The following RORA variants were observed in gnomAD, a reference collection of about 807,000 sequenced individuals.
RORA encodes nuclear receptor ROR-alpha.
A neutral mutation model predicts 69.5 loss-of-function variants in RORA; 7 were observed. The observed-to-expected ratio is 0.10, with a 90% CI of 0.06 to 0.19. The LOEUF is 0.19. RORA is among the 10% of genes least tolerant of loss of function. RORA has a pLI of 1.00. For synonymous variants in RORA, 261 were observed against 240.8 expected (o/e 1.08, Z -0.78); for missense variants, 457 against 663.0 (o/e 0.69, Z 3.41).
intron 2 of RORA, among the ~76,000 whole-genome samples, chr15:60,543,358 G>A (rs1278030456): frequency 2.6e-5 from 4 of 152,014 alleles, no homozygotes; most frequent in Non-Finnish European, 5.9e-5. Context: ...CTGTGCCTCA[G>A]TTTCCTCACC....
chr15:61,084,076 A>G (rs1187524005), intron 1 of RORA, among the ~76,000 whole-genome samples: 3 of 152,196 alleles, frequency 2.0e-5, no homozygotes, highest in Non-Finnish European at 4.4e-5. Context: ...AGTGAGAGAC[A>G]TAAGAATATT....
chr15:60,836,832 C>A (rs1372387670), intron 1 of RORA, among the ~76,000 whole-genome samples: 2 of 151,998 alleles, frequency 1.3e-5, no homozygotes, highest in African/African-American at 2.4e-5. Flanking sequence ...ATCAGCTCCC[C>A]CCTCTGCCCT....
intron 1 of RORA, among the ~76,000 whole-genome samples, chr15:60,780,901 G>A (rs1400004788): frequency 6.6e-6 from 1 of 152,170 alleles, no homozygotes; most frequent in Non-Finnish European, 1.5e-5. Context: ...ATTTTTACTT[G>A]CCTCTTACCA....
At chr15:60,976,523 G>A (rs1893877112) in intron 1 of RORA, among the ~76,000 whole-genome samples, 1 of 152,110 alleles carries the variant, frequency 6.6e-6, no homozygotes, top group African/African-American at 2.4e-5. Context: ...GCCAGCATCA[G>A]CGGCGACATT....
chr15:60,646,018 A>G (rs1418037138), intron 2 of RORA, among the ~76,000 whole-genome samples: 3 of 152,174 alleles, frequency 2.0e-5, no homozygotes, highest in Non-Finnish European at 4.4e-5. Flanking sequence ...GTATGCTCTG[A>G]AAGCTAGGAA....
At chr15:60,896,538 A>T (rs1891235102) in intron 1 of RORA, among the ~76,000 whole-genome samples, 2 of 152,206 alleles carry the variant, frequency 1.3e-5, no homozygotes, top group African/African-American at 2.4e-5. Flanking sequence ...ATTCCTTAGC[A>T]TGTGTGACAT....
intron 1 of RORA, among the ~76,000 whole-genome samples, chr15:61,211,534 T>A (rs1214602970): frequency 6.6e-6 from 1 of 152,208 alleles, no homozygotes; most frequent in East Asian, 1.9e-4. Flanking sequence ...TTTAATCTAC[T>A]TACCACACTG....
intron 1 of RORA, among the ~76,000 whole-genome samples, chr15:61,081,612 C>T (rs2078541256): frequency 6.6e-6 from 1 of 151,942 alleles, no homozygotes; most frequent in African/African-American, 2.4e-5. Context: ...TCGAGACCAT[C>T]CTGGCTAACA....
chr15:60,843,519 A>G (rs1220259423), intron 1 of RORA, among the ~76,000 whole-genome samples: 4 of 152,194 alleles, frequency 2.6e-5, no homozygotes, highest in African/African-American at 7.2e-5. Context: ...ACACAAACCA[A>G]CTGTTCTTGT....
rs10581853 is a variant in RORA, at chr15:61,008,203, CTGTGTGTGTGTGTG to C, written c.166+220836_166+220849del. On this transcript the variant is annotated intron_variant, in intron 1 of 10. Coordinates refer to ENST00000335670, the MANE Select transcript of RORA (RefSeq NM_134261.3). ...AAGAATTTCAAAATTCTCTCTCTCT[CTGTGTGTGTGTGTG>C]TGTGTGTGTGTGTGTGTGTGTGTGT... Among the ~76,000 whole-genome samples, 8 of 135,134 alleles carry C rather than the reference CTGTGTGTGTGTGTG, an allele frequency of 5.9e-5. No homozygotes were observed. In the East Asian group the frequency reaches 1.5e-3, roughly 25 times the overall value. 88.7% of individuals were successfully genotyped at this position (135,134 alleles called of 152,430 possible). A position where few individuals can be genotyped will look rare whatever the true frequency, so the allele number is the denominator to read the frequency against.
intron 1 of RORA, among the ~76,000 whole-genome samples, chr15:61,220,759 C>T (rs548560637): frequency 6.6e-6 from 1 of 152,312 alleles, no homozygotes; most frequent in South Asian, 2.1e-4. Flanking sequence ...TCGACAAGTT[C>T]GTCATAACTT....
chr15:60,813,666 A>T (rs1231987444), intron 1 of RORA, among the ~76,000 whole-genome samples: 1 of 152,212 alleles, frequency 6.6e-6, no homozygotes, highest in Non-Finnish European at 1.5e-5. Context: ...CAGTTGAGGG[A>T]GTAAAAACTA....
At chr15:60,558,198 G>C (rs1338967270) in intron 2 of RORA, 1 of 1,529,524 alleles carries the variant, frequency 6.5e-7, no homozygotes, top group Non-Finnish European at 9.0e-7. Context: ...ATGGAGGACA[G>C]GTCAGGAGGC....
chr15:60,553,189 T>A (rs1369163401), intron 2 of RORA, among the ~76,000 whole-genome samples: 3 of 152,228 alleles, frequency 2.0e-5, no homozygotes, highest in Non-Finnish European at 2.9e-5. Context: ...TACTCAATAA[T>A]CAAAGTTAAT....
intron 1 of RORA, among the ~76,000 whole-genome samples, chr15:60,877,609 C>T (rs904317552): frequency 2.6e-5 from 4 of 152,140 alleles, no homozygotes; most frequent in African/African-American, 9.7e-5. Context: ...ACACTGTTAT[C>T]ATATCCAAGC....
chr15:61,112,245 T>C (rs2140787045), intron 1 of RORA, among the ~76,000 whole-genome samples: 1 of 152,330 alleles, frequency 6.6e-6, no homozygotes, highest in East Asian at 1.9e-4. Context: ...TAACTGCCTT[T>C]TTCTTTTACA....
At chr15:61,089,146 CA>C (rs1319055393) in intron 1 of RORA, among the ~76,000 whole-genome samples, 1 of 152,210 alleles carries the variant, frequency 6.6e-6, no homozygotes, top group Non-Finnish European at 1.5e-5. Flanking sequence ...ATAAATGAAT[CA>C]GCACCTCAAG....
chr15:61,079,319 A>C (rs142623071), intron 1 of RORA, among the ~76,000 whole-genome samples: 1 of 152,228 alleles, frequency 6.6e-6, no homozygotes, highest in Non-Finnish European at 1.5e-5. Flanking sequence ...TAATAGATCA[A>C]TTAAGGAGAT....
At chr15:60,535,472 G>A (rs367806480) in intron 2 of RORA, among the ~76,000 whole-genome samples, 16 of 152,294 alleles carry the variant, frequency 1.1e-4, no homozygotes, top group South Asian at 1.0e-3. Context: ...AAGTGGCAGC[G>A]GGCATCAGGA....
Sources: allele counts gnomAD v4.1 joint callset (sites outside exome capture counted in the v4.1 genomes callset), GRCh38; gene constraint gnomAD v4.1.1; transcripts MANE v1.5; gene names NCBI Gene and HGNC (gene_info 2026-07-23, HGNC 2026-07-21).